The following SLC3A1 variants were observed in gnomAD, a reference collection of about 807,000 sequenced individuals.
SLC3A1 encodes amino acid transporter heavy chain SLC3A1.
In SLC3A1, 78 loss-of-function variants were observed where a neutral mutation model predicts 60.3. The observed-to-expected ratio is 1.29, with a 90% CI of 1.08 to 1.56. The LOEUF is 1.56. SLC3A1 is among the 40% of genes most tolerant of loss of function. The pLI, the probability that SLC3A1 is intolerant of heterozygous loss-of-function variation, is 0.00. For missense variants in SLC3A1, 1,172 were observed against 858.9 expected (o/e 1.36, Z -4.56); for synonymous variants, 392 against 307.9 (o/e 1.27, Z -2.86).
intron 7 of SLC3A1, among the ~76,000 whole-genome samples, chr2:44,307,816 CAGA>C (rs1443780065): frequency 3.9e-5 from 6 of 152,240 alleles, no homozygotes; most frequent in Non-Finnish European, 4.4e-5. Flanking sequence ...TTGAAAAGCA[CAGA>C]AGTTTTTAAT....
At chr2:44,304,367 A>C in intron 7 of SLC3A1, 29 bp downstream of exon 7, 1 of 1,536,982 alleles carries the variant, frequency 6.5e-7, no homozygotes, top group Non-Finnish European at 9.0e-7. Context: ...AGAGTACATA[A>C]TGTGCTGCTG....
intron 9 of SLC3A1, chr2:44,317,567 T>G (rs530221880): frequency 3.3e-5 from 5 of 152,334 alleles, no homozygotes; most frequent in African/African-American, 1.2e-4. Context: ...TTACAGAAAG[T>G]TCTATTGGCC....
chr2:44,303,300 G>A (rs1395081379), intron 6 of SLC3A1, among the ~76,000 whole-genome samples: 1 of 146,836 alleles, frequency 6.8e-6, no homozygotes, highest in African/African-American at 2.5e-5. Context: ...CTGGAGTGTG[G>A]TGGCATGATC....
Position 44,304,262 on chromosome 2 carries a change from T to A in SLC3A1, c.1256T>A (p.Val419Asp), listed in dbSNP as rs755227738. The A allele has an allele frequency of 6.2e-7, 1 of 1,614,186 alleles. No homozygotes were observed. The highest frequency in any genetic ancestry group is 8.5e-7 in the Non-Finnish European group (1 of 1,180,020). The change falls in exon 7 of 10, where the codon GTT (valine) becomes GAT (aspartate). Residue 419 changes from valine to aspartate, a missense_variant. Physicochemically the swap from Val to Asp is radical, Grantham distance 152. Transcript: ENST00000260649. ...FNNYLSMLDTVSGNSVYEVIT... is the reference protein window; with the variant it reads ...FNNYLSMLDTDSGNSVYEVIT... ...AATTACCTCAGCATGCTAGACACTGTTTCTGGGAACAGCGTGTATGAGGTT... is the reference window on the plus strand; with the variant it reads ...AATTACCTCAGCATGCTAGACACTGATTCTGGGAACAGCGTGTATGAGGTT...
At chr2:44,310,556 T>G (rs936520106) in intron 7 of SLC3A1, among the ~76,000 whole-genome samples, 2 of 152,208 alleles carry the variant, frequency 1.3e-5, no homozygotes, top group African/African-American at 4.8e-5. Flanking sequence ...TTTGCTCCTT[T>G]AAAGATTCTG....
chr2:44,303,906 G>T lies in SLC3A1; in HGVS notation c.1137-237G>T. 1.3e-5 allele frequency: 8 copies of T among 616,070 alleles called. No homozygotes were observed. In the South Asian group the frequency reaches 1.5e-4, roughly 12 times the overall value. The allele number at this position is 616,070 out of a possible 1,614,324, so 38.2% of individuals were successfully genotyped here. On this transcript the variant is annotated intron_variant, in intron 6 of 9. Transcript: ENST00000260649. ...TCATCCATGTCCCTGCAAAGGACAT[G>T]GACTCATCCTTTTTTATGGCTGCAT...
In SLC3A1 at chr2:44,304,265, C is replaced by G. The variant is rs1031709288; in HGVS notation, c.1259C>G (p.Ser420Cys). The change falls in exon 7 of 10, where the codon TCT becomes TGT. Residue 420 changes from serine to cysteine, a missense_variant. Ser to Cys is a moderately radical substitution (Grantham distance 112). Transcript: ENST00000260649. ...NNYLSMLDTV[S>C]GNSVYEVITS... ...TACCTCAGCATGCTAGACACTGTTT[C>G]TGGGAACAGCGTGTATGAGGTTATC... is the stretch of plus-strand genomic sequence containing the variant. 54 of 1,614,032 alleles carry G rather than the reference C, an allele frequency of 3.3e-5. No individual in the cohort carries two copies. Among genetic ancestry groups the G allele is most frequent in the Non-Finnish European group, 4.2e-5 (50 of 1,180,004 alleles).
At chr2:44,311,499 A>T (rs915029710) in intron 7 of SLC3A1, among the ~76,000 whole-genome samples, 7 of 152,092 alleles carry the variant, frequency 4.6e-5, no homozygotes, top group African/African-American at 1.4e-4. Context: ...TAGTATGACA[A>T]TTCTGGAAAT....
intron 4 of SLC3A1, among the ~76,000 whole-genome samples, chr2:44,297,034 A>C (rs1671867814): frequency 6.6e-6 from 1 of 152,176 alleles, no homozygotes; most frequent in Non-Finnish European, 1.5e-5. Context: ...CCAGTCTTAG[A>C]TATGTCTCTA....
At position 44,278,582 on chromosome 2, in the gene SLC3A1, C is replaced by T. The variant is rs189300940; in HGVS notation, c.431-2134C>T. On this transcript the variant is annotated intron_variant, in intron 1 of 9. Transcript: ENST00000260649. Reference sequence around the variant, plus strand: ...AGTGACCTTCAGCCTGCGGTGTGGCCTCTGACAGTCTAATTCTAGGAAGTC... The same window carrying T: ...AGTGACCTTCAGCCTGCGGTGTGGCTTCTGACAGTCTAATTCTAGGAAGTC... 2.7e-3 allele frequency among the ~76,000 whole-genome samples: 404 copies of T among 152,268 alleles called. 1 individual carries two copies. The highest frequency in any genetic ancestry group is 7.7e-3 in the African/African-American group (319 of 41,554).
chr2:44,291,704 G>C (rs1558458310), intron 4 of SLC3A1, among the ~76,000 whole-genome samples: 1 of 152,174 alleles, frequency 6.6e-6, no homozygotes, highest in Non-Finnish European at 1.5e-5. Context: ...ATAATTTGCA[G>C]CTCAGAGGGT....
At chr2:44,307,417 A>G (rs924642872) in intron 7 of SLC3A1, among the ~76,000 whole-genome samples, 2 of 152,128 alleles carry the variant, frequency 1.3e-5, no homozygotes, top group Non-Finnish European at 2.9e-5. Flanking sequence ...GAACTGCCAA[A>G]CTGTTTTCCA....
chr2:44,313,149 T>C (rs1042019865), intron 8 of SLC3A1, among the ~76,000 whole-genome samples: 8 of 152,240 alleles, frequency 5.3e-5, no homozygotes, highest in Non-Finnish European at 8.8e-5. Flanking sequence ...CTTATTTCTT[T>C]AGTTCTCATT....
chr2:44,277,060 G>A (rs1035432869), intron 1 of SLC3A1, among the ~76,000 whole-genome samples: 4 of 148,870 alleles, frequency 2.7e-5, no homozygotes, highest in African/African-American at 9.9e-5. Context: ...TTAATCACTA[G>A]TAGAAGGCTT....
intron 6 of SLC3A1, among the ~76,000 whole-genome samples, chr2:44,303,559 T>TG (rs11344754): frequency 0.056 from 8,439 of 151,184 alleles, 294 homozygotes; most frequent in South Asian, 0.16. Flanking sequence ...TCATTTTTTT[T>TG]GGGGGGGGTG....
At chr2:44,308,818 C>T (rs190683884) in intron 7 of SLC3A1, among the ~76,000 whole-genome samples, 237 of 151,850 alleles carry the variant, frequency 1.6e-3, no homozygotes, top group Non-Finnish European at 2.6e-3. Flanking sequence ...TTGCAAGCTC[C>T]GCCTCCCGGG....
chr2:44,304,105 C>A, intron 6 of SLC3A1, 38 bp from the exon 7 acceptor site: 2 of 1,553,572 alleles, frequency 1.3e-6, no homozygotes, highest in Non-Finnish European at 8.9e-7. Context: ...AGTCTTCTGA[C>A]AGGCCCCGAT....
intron 9 of SLC3A1, among the ~76,000 whole-genome samples, chr2:44,316,762 T>A (rs1350238909): frequency 2.0e-5 from 3 of 152,196 alleles, no homozygotes; most frequent in Non-Finnish European, 2.9e-5. Context: ...TCTTCAAAGT[T>A]GTAATGGAAA....
chr2:44,316,475 A>T (rs1478204229), intron 9 of SLC3A1: 1 of 152,218 alleles, frequency 6.6e-6, no homozygotes, highest in Non-Finnish European at 1.5e-5. Context: ...AGAGCATAAG[A>T]AAAAATCGGG....
Sources: gnomAD v4.1 joint callset for allele counts (sites outside exome capture counted in the v4.1 genomes callset) on GRCh38, gnomAD v4.1.1 for gene constraint, MANE v1.5 for transcripts, NCBI Gene and HGNC (gene_info 2026-07-23, HGNC 2026-07-21) for gene names.